Variants in RUFY2 observed in about 807,000 individuals in gnomAD.
RUFY2 encodes the protein RUN and FYVE domain containing 2, also known as RUN and FYVE domain-containing protein 2.
A neutral mutation model predicts 94.4 loss-of-function variants in RUFY2; 49 were observed. The observed-to-expected ratio is 0.52, with a 90% confidence interval of 0.41 to 0.66. The LOEUF is 0.66. RUFY2 is among the 30% of genes least tolerant of loss of function. RUFY2 has a pLI of 0.00. For missense variants in RUFY2, 541 were observed against 692.8 expected (o/e 0.78, Z 2.46); for synonymous variants, 255 against 235.7 (o/e 1.08, Z -0.75).
At chr10:68,348,618 AGCC>A (rs2046445597) in intron 16 of RUFY2, among the ~76,000 whole-genome samples, 1 of 152,160 alleles carries the variant, frequency 6.6e-6, no homozygotes, top group Admixed American at 6.5e-5. Flanking sequence ...AATGTCCCAC[AGCC>A]ACCTAGTGGA....
At position 68,345,828 on chromosome 10, in the gene RUFY2, T is replaced by A. The variant is rs1287509728; in HGVS notation, c.1761A>T (p.Val587=). The stretch of plus-strand genomic sequence containing the variant: ...GTGCATGACAGGAATCACAAACCCG[T>A]ACTGGTTTTGGTGAAGAAGGCAAAG... ...ELPLPSSPKP[V]RVCDSCHALL... is the part of the protein sequence containing the mutation. The change falls in exon 18 of 18, where the codon GTA becomes GTT. Residue 587 remains valine, a synonymous_variant. Transcript: ENST00000602465. 5.6e-6 allele frequency: 9 copies of A among 1,613,834 alleles called. No homozygotes were observed. In the African/African-American group the frequency reaches 1.1e-4, roughly 19 times the overall value.
chr10:68,363,632 T>A lies in RUFY2; in HGVS notation c.1508A>T (p.Glu503Val), dbSNP rs1007009059. 6.2e-7 allele frequency: 1 copy of A among 1,609,484 alleles called. No individual in the cohort carries two copies. Among genetic ancestry groups the A allele is most frequent in the Admixed American group, 1.7e-5 (1 of 59,218 alleles). ...ENQQLKKIYH[E>V]QEQALQELGN... The stretch of plus-strand genomic sequence containing the variant: ...GAGTTCTTGAAGAGCTTGCTCTTGT[T>A]CATGATATATTTTTTTCAACTGCTG... Residue 503 changes from glutamate (E) to valine (V), a missense_variant, in exon 15 of 18, where the codon GAA (glutamate) becomes GTA (valine). Physicochemically the swap from Glu to Val is moderately radical, Grantham distance 121. Around this residue, in one of 3 missense-constraint regions of RUFY2, gnomAD observed 403 missense variants for 480.7 expected, o/e 0.84. Coordinates refer to ENST00000602465, the MANE Select transcript of RUFY2 (RefSeq NM_001330103.2).
rs1444272977 is a variant in RUFY2, at chr10:68,381,384, G to C, written c.955C>G (p.Leu319Val). 1 of 1,611,156 alleles carries C rather than the reference G, an allele frequency of 6.2e-7. No homozygotes were observed. Among genetic ancestry groups the C allele is most frequent in the Admixed American group, 1.7e-5 (1 of 59,412 alleles). ...TGCTTCATACTAACTTGTACTGCTA[G>C]CTCATTCTCTACATCCTGCAATTTC... ...SQLRQDVENE[L>V]AVQVSMKHEI... Residue 319 changes from leucine (L) to valine (V), a missense_variant, in exon 11 of 18, where the codon CTA becomes GTA. Leu to Val is a conservative substitution (Grantham distance 32). Transcript: ENST00000602465.
intron 12 of RUFY2, chr10:68,379,018 A>G (rs2048847315): frequency 3.6e-6 from 1 of 279,398 alleles, no homozygotes. Flanking sequence ...TAAACCACCA[A>G]TTCGGAATGC....
chr10:68,354,587 A>C (rs1412443177), intron 16 of RUFY2, among the ~76,000 whole-genome samples: 1 of 152,200 alleles, frequency 6.6e-6, no homozygotes, highest in Non-Finnish European at 1.5e-5. Context: ...CACATTCACA[A>C]CCATACTGGT....
downstream of RUFY2, chr10:68,343,246 A>T (rs919572583): frequency 6.6e-6 from 1 of 152,196 alleles, no homozygotes; most frequent in African/African-American, 2.4e-5. Context: ...CTAAAATCAA[A>T]TTGGTAGAAG....
chr10:68,353,198 G>C (rs553289078), intron 16 of RUFY2, among the ~76,000 whole-genome samples: 96 of 151,946 alleles, frequency 6.3e-4, no homozygotes, highest in African/African-American at 2.2e-3. Context: ...GGGTGTGGTA[G>C]CACACACCTG....
chr10:68,354,941 G>A (rs1275267692), intron 16 of RUFY2, among the ~76,000 whole-genome samples: 5 of 151,914 alleles, frequency 3.3e-5, no homozygotes, highest in Non-Finnish European at 5.9e-5. Flanking sequence ...CCACCTTCCG[G>A]GCTCAAGCAA....
chr10:68,401,806 T>G, intron 2 of RUFY2, 69 bp from the exon 3 acceptor site: 1 of 911,302 alleles, frequency 1.1e-6, no homozygotes, highest in Non-Finnish European at 1.8e-6. Flanking sequence ...TTTTAAATAT[T>G]TAGTTTCAAC....
intron 16 of RUFY2, among the ~76,000 whole-genome samples, chr10:68,353,464 T>G (rs2046836861): frequency 6.6e-6 from 1 of 151,352 alleles, no homozygotes; most frequent in Admixed American, 6.6e-5. Flanking sequence ...GCCATTGCAC[T>G]CCAGCCTGGG....
At chr10:68,376,769 A>G in intron 13 of RUFY2, 84 bp downstream of exon 13, 1 of 1,313,650 alleles carries the variant, frequency 7.6e-7, no homozygotes, top group Non-Finnish European at 1.1e-6. Context: ...GATAAATAAA[A>G]ATATTGGTAT....
chr10:68,395,345 T>TAA (rs1038883182), intron 4 of RUFY2, among the ~76,000 whole-genome samples: 9 of 126,558 alleles, frequency 7.1e-5, no homozygotes, highest in African/African-American at 1.7e-4. Context: ...CTCAAGAAAA[T>TAA]AAAAAAAAAA....
chr10:68,393,247 T>TA (rs1434378180), intron 6 of RUFY2, 44 bp from the exon 7 acceptor site: 1 of 1,031,352 alleles, frequency 9.7e-7, no homozygotes, highest in Admixed American at 2.4e-5. Flanking sequence ...GAAAAGGTAT[T>TA]TATTAAGCAC....
At chr10:68,385,263 CAA>C (rs879508697) in intron 8 of RUFY2, among the ~76,000 whole-genome samples, 1 of 121,688 alleles carries the variant, frequency 8.2e-6, no homozygotes, top group Admixed American at 8.5e-5. Context: ...GACTCCATCT[CAA>C]AAAAAAAAAA....
chr10:68,396,145 T>C (rs1674517626), intron 4 of RUFY2, among the ~76,000 whole-genome samples: 2 of 152,162 alleles, frequency 1.3e-5, no homozygotes, highest in Admixed American at 1.3e-4. Context: ...ATTACAGGCA[T>C]GCGCCACCAC....
intron 4 of RUFY2, among the ~76,000 whole-genome samples, chr10:68,396,507 A>G (rs2050407138): frequency 1.3e-5 from 2 of 152,194 alleles, no homozygotes; most frequent in Admixed American, 6.5e-5. Flanking sequence ...GCAGGGCAAA[A>G]GAAAAAATTT....
downstream of RUFY2, chr10:68,341,869 A>G: frequency 6.3e-7 from 1 of 1,598,824 alleles, no homozygotes. Flanking sequence ...TCTCTAGTTC[A>G]GTTTGTGTTA....
At chr10:68,341,333 A>G (rs771316283), downstream of RUFY2, 8 of 1,586,170 alleles carry the variant, frequency 5.0e-6, no homozygotes, top group South Asian at 4.7e-5. Context: ...TTGGCACACA[A>G]TCTTATTTCC....
At chr10:68,378,815 T>C (rs1025675890) in intron 12 of RUFY2, 8 of 597,164 alleles carry the variant, frequency 1.3e-5, no homozygotes, top group Admixed American at 6.5e-5. Context: ...AAAGCATTAA[T>C]AGTTATGTTT....
Sources: gnomAD v4.1 joint callset for allele counts (sites outside exome capture counted in the v4.1 genomes callset) on GRCh38, gnomAD v4.1.1 for gene constraint, gnomAD v4.1.1 regional missense constraint, MANE v1.5 for transcripts, NCBI Gene and HGNC (gene_info 2026-07-23, HGNC 2026-07-21) for gene names.